Variants in CRTAC1 observed in about 807,000 individuals in gnomAD.
CRTAC1 encodes acidic secreted protein in cartilage.
Under a neutral mutation model 67.8 loss-of-function variants are expected in CRTAC1, and 37 were observed. That is an observed-to-expected ratio of 0.55 (90% CI 0.42 to 0.72). The LOEUF is 0.72. CRTAC1 is among the 30% of genes least tolerant of loss of function. The probability of loss-of-function intolerance (pLI) is 0.00; values close to 1 mark genes in which losing one functional copy is unlikely to be tolerated. For missense variants in CRTAC1, 780 were observed against 931.6 expected (o/e 0.84, Z 2.12); for synonymous variants, 348 against 371.0 (o/e 0.94, Z 0.71).
chr10:97,919,674 C>G (rs544237788), intron 4 of CRTAC1, among the ~76,000 whole-genome samples: 20 of 152,172 alleles, frequency 1.3e-4, no homozygotes, highest in African/African-American at 4.6e-4. Context: ...GCAACCACCC[C>G]CTAAGACCTG....
At chr10:97,980,970 T>C (rs1484630496) in intron 2 of CRTAC1, among the ~76,000 whole-genome samples, 1 of 152,150 alleles carries the variant, frequency 6.6e-6, no homozygotes, top group East Asian at 1.9e-4. Context: ...CACCCTGCAA[T>C]ATCAGACAGA....
rs774516947 is a variant in CRTAC1 at position 97,936,231 on chromosome 10, G to A, written c.360C>T (p.Cys120=). 114 of 1,614,044 alleles carry A rather than the reference G, an allele frequency of 7.1e-5. No individual in the cohort carries two copies. The highest frequency in any genetic ancestry group is 8.8e-5 in the South Asian group (8 of 91,048). Reference sequence around the variant, plus strand: ...CCTCCCGGCCGTCCCCGTCGATGTCGCAGGCTGTGACCCCGATGGCGTTCC... The same window carrying A: ...CCTCCCGGCCGTCCCCGTCGATGTCACAGGCTGTGACCCCGATGGCGTTCC... The part of the protein sequence containing the change: ...RQGNAIGVTA[C]DIDGDGREEI... The change falls in exon 3 of 15, where the codon TGC becomes TGT. Residue 120 remains cysteine (C), a synonymous_variant. Coordinates refer to ENST00000370597, the MANE Select transcript of CRTAC1 (RefSeq NM_018058.7).
intron 5 of CRTAC1, among the ~76,000 whole-genome samples, chr10:97,910,646 C>A (rs1033089586): frequency 6.6e-6 from 1 of 152,186 alleles, no homozygotes. Flanking sequence ...CCAAAGTGAC[C>A]ATGCTTATTT....
intron 3 of CRTAC1, among the ~76,000 whole-genome samples, chr10:97,924,393 T>A (rs2050884051): frequency 6.6e-6 from 1 of 151,872 alleles, no homozygotes; most frequent in African/African-American, 2.4e-5. Flanking sequence ...GAAGGTGAGG[T>A]TGAGGAAGAG....
intron 14 of CRTAC1, among the ~76,000 whole-genome samples, chr10:97,876,950 T>C (rs1006615994): frequency 7.4e-6 from 1 of 135,888 alleles, no homozygotes; most frequent in Non-Finnish European, 1.6e-5. Context: ...GCTCTGTTTT[T>C]TTTTTTTTTT....
chr10:97,962,739 T>C (rs1383292266), intron 2 of CRTAC1, among the ~76,000 whole-genome samples: 1 of 150,728 alleles, frequency 6.6e-6, no homozygotes, highest in African/African-American at 2.4e-5. Flanking sequence ...TCCACATGAA[T>C]CCAAACAACA....
In CRTAC1 at chr10:98,029,480, CCAG is replaced by C. The variant is rs879078198; in HGVS notation, c.24+966_24+968del. 0.018 allele frequency among the ~76,000 whole-genome samples: 2,483 copies of C among 136,802 alleles called. 53 individuals carry two copies. Among genetic ancestry groups the C allele is most frequent in the African/African-American group, 0.05 (1,881 of 37,386 alleles). The allele number at this position is 136,802 out of a possible 152,430, so 89.7% of individuals were successfully genotyped here. On this transcript the variant is annotated intron_variant, in intron 1 of 14. Transcript: ENST00000370597. This position sits in a 1 kb window ranked among gnomAD's most constrained non-coding sequence, Gnocchi z 4.7. The stretch of plus-strand genomic sequence containing the variant: ...GCAGAAGCCACACTGGGTGCACCCA[CCAG>C]CAGCAGCAGCGGCGGCGGCGGCGGC...
At chr10:98,010,086 C>T (rs182423096) in intron 2 of CRTAC1, among the ~76,000 whole-genome samples, 256 of 150,938 alleles carry the variant, frequency 1.7e-3, no homozygotes, top group South Asian at 7.8e-3. Flanking sequence ...GTCGCCCAGG[C>T]TGGAGTGCAG....
At chr10:97,907,802 C>T (rs2050634168) in intron 6 of CRTAC1, among the ~76,000 whole-genome samples, 1 of 152,114 alleles carries the variant, frequency 6.6e-6, no homozygotes, top group Admixed American at 6.5e-5. Flanking sequence ...AGACCCCTTT[C>T]CCCAGCAGCA....
chr10:97,976,782 G>A (rs572869578), intron 2 of CRTAC1, among the ~76,000 whole-genome samples: 1 of 152,310 alleles, frequency 6.6e-6, no homozygotes, highest in Admixed American at 6.5e-5. Context: ...ATCTGTGGAT[G>A]TGTCTACAGG....
chr10:97,943,923 G>A (rs1398450397), intron 2 of CRTAC1, among the ~76,000 whole-genome samples: 3 of 152,186 alleles, frequency 2.0e-5, no homozygotes, highest in Non-Finnish European at 4.4e-5. Flanking sequence ...TATAGTATGA[G>A]TATATTACAA....
chr10:97,875,498 G>A (rs2050137079), intron 14 of CRTAC1, among the ~76,000 whole-genome samples: 2 of 152,238 alleles, frequency 1.3e-5, no homozygotes, highest in African/African-American at 4.8e-5. Flanking sequence ...ACCAGCCCAT[G>A]TTCTCTTGCC....
chr10:97,942,759 T>C (rs1418421722), intron 2 of CRTAC1, among the ~76,000 whole-genome samples: 1 of 151,582 alleles, frequency 6.6e-6, no homozygotes, highest in African/African-American at 2.4e-5. Context: ...AAATTTTTTT[T>C]CCATTAAAAA....
At position 97,879,397 on chromosome 10, in the gene CRTAC1, G is replaced by A. The variant is rs145756878; in HGVS notation, c.1819+852C>T. 9.2e-3 allele frequency among the ~76,000 whole-genome samples: 1,401 copies of A among 152,316 alleles called. 9 individuals are homozygous for A. The highest frequency in any genetic ancestry group is 0.044 in the Middle Eastern group (13 of 294). Reference sequence around the variant, plus strand: ...GCTCACGAGACACTGGAGGATACAAGACTATCTTGATTCTTCTGAAGGAGT... The same window carrying A: ...GCTCACGAGACACTGGAGGATACAAAACTATCTTGATTCTTCTGAAGGAGT... On this transcript the variant is annotated intron_variant, in intron 14 of 14. Transcript: ENST00000370597.
Position 98,030,502 on chromosome 10 carries a change from G to A in CRTAC1, c.-30C>T, listed in dbSNP as rs1182018261. On this transcript the variant is annotated 5_prime_UTR_variant, in exon 1 of 15. Coordinates refer to ENST00000370597, the MANE Select transcript of CRTAC1 (RefSeq NM_018058.7). The surrounding 1 kb of genome is among the most constrained non-coding windows in gnomAD (Gnocchi z 4.2). ...CCGCTCTCGGCCCCGCCGCCTAGGG[G>A]CGTGGGAAGCGGGCGCTCGCTGCCG... 24 of 1,243,182 alleles carry A rather than the reference G, an allele frequency of 1.9e-5. No homozygotes were observed. The highest frequency in any genetic ancestry group is 2.4e-5 in the Non-Finnish European group (24 of 986,338). 77.0% of individuals were successfully genotyped at this position (1,243,182 alleles called of 1,614,324 possible).
chr10:97,888,022 T>C (rs181059899), intron 11 of CRTAC1, among the ~76,000 whole-genome samples: 163 of 152,354 alleles, frequency 1.1e-3, no homozygotes, highest in Non-Finnish European at 1.0e-3. Context: ...GGTGGAGCCA[T>C]GGACAGATGC....
At chr10:98,002,987 G>GTTT (rs2136686041) in intron 2 of CRTAC1, among the ~76,000 whole-genome samples, 3 of 151,048 alleles carry the variant, frequency 2.0e-5, no homozygotes, top group African/African-American at 7.3e-5. Flanking sequence ...GTTTCACCAT[G>GTTT]TTAGCCAGGA....
chr10:97,950,380 C>T (rs1284881516), intron 2 of CRTAC1, among the ~76,000 whole-genome samples: 2 of 151,820 alleles, frequency 1.3e-5, no homozygotes, highest in Non-Finnish European at 2.9e-5. Flanking sequence ...AATGATAGGC[C>T]CATTGAGCTG....
chr10:97,872,023 C>G (rs1302482106), intron 14 of CRTAC1, among the ~76,000 whole-genome samples: 1 of 152,190 alleles, frequency 6.6e-6, no homozygotes, highest in African/African-American at 2.4e-5. Flanking sequence ...GCTTACAAGA[C>G]CTCAGAGATT....
Sources: allele counts gnomAD v4.1 joint callset (sites outside exome capture counted in the v4.1 genomes callset), GRCh38; gene constraint gnomAD v4.1.1; non-coding constraint Gnocchi (gnomAD v3.1); transcripts MANE v1.5; gene names NCBI Gene and HGNC (gene_info 2026-07-23, HGNC 2026-07-21).